Variants in TNIP3 observed in about 807,000 individuals in gnomAD.
TNIP3 encodes the protein TNFAIP3-interacting protein 3.
A neutral mutation model predicts 54.1 loss-of-function variants in TNIP3; 34 were observed. The ratio of observed to expected loss-of-function variants is 0.63; its 90% CI spans 0.48 to 0.84. The LOEUF is 0.84. Ranked by LOEUF, TNIP3 falls within the 40% of genes least tolerant of loss-of-function variation. The probability of loss-of-function intolerance (pLI) is 0.00; values close to 1 mark genes in which losing one functional copy is unlikely to be tolerated. For missense variants in TNIP3, 366 were observed against 387.6 expected, an observed-to-expected ratio of 0.94 and a Z score of 0.47; for synonymous variants, 134 against 136.8, an observed-to-expected ratio of 0.98 and a Z score of 0.14.
rs1729661568 is a variant in TNIP3, at chr4:121,150,178, C to T, written c.534G>A (p.Glu178=). 1 of 1,613,598 alleles carries T rather than the reference C, an allele frequency of 6.2e-7. No individual in the cohort carries two copies. Among genetic ancestry groups the T allele is most frequent in the African/African-American group, 1.3e-5 (1 of 74,858 alleles). The change falls in exon 6 of 11, where the codon GAG becomes GAA. Residue 178 remains glutamate (E), a synonymous_variant. Transcript: ENST00000057513. ...DALNIKCSFS[E]DCLRKSRVEF... ...CCACTCGAGACTTCCTCAAACAGTC[C>T]TCGGAAAATGAACACTTGATATTCA...
chr4:121,170,200 C>A (rs1417134096), intron 3 of TNIP3, among the ~76,000 whole-genome samples: 2 of 152,210 alleles, frequency 1.3e-5, no homozygotes, highest in African/African-American at 4.8e-5. Context: ...CCTTTCTCCT[C>A]TGAGATGCTA....
chr4:121,216,572 A>G, intron 1 of TNIP3: 1 of 1,519,826 alleles, frequency 6.6e-7, no homozygotes, highest in Non-Finnish European at 8.8e-7. Flanking sequence ...TCAGTCACCA[A>G]AGGAGAAAAC....
chr4:121,170,666 C>G (rs1731017370), intron 3 of TNIP3, among the ~76,000 whole-genome samples: 1 of 151,796 alleles, frequency 6.6e-6, no homozygotes, highest in Admixed American at 6.5e-5. Context: ...TTTTTAAAGG[C>G]AGAACTGTTG....
chr4:121,207,339 A>T (rs1410119927), intron 2 of TNIP3, among the ~76,000 whole-genome samples: 4 of 152,232 alleles, frequency 2.6e-5, no homozygotes, highest in African/African-American at 9.6e-5. Flanking sequence ...AATTAAAAAG[A>T]GCAACTAACA....
At chr4:121,151,224 C>A (rs534044761) in intron 5 of TNIP3, among the ~76,000 whole-genome samples, 1 of 152,138 alleles carries the variant, frequency 6.6e-6, no homozygotes, top group Non-Finnish European at 1.5e-5. Context: ...AGAAAAGGTT[C>A]ATTTTCAGAG....
intron 2 of TNIP3, among the ~76,000 whole-genome samples, chr4:121,207,162 A>G (rs1380318725): frequency 6.6e-6 from 1 of 152,166 alleles, no homozygotes; most frequent in East Asian, 1.9e-4. Context: ...GCTGTTGTTA[A>G]TGACTGGAAA....
chr4:121,221,251 T>C (rs944130360), upstream of TNIP3, among the ~76,000 whole-genome samples: 6 of 152,162 alleles, frequency 3.9e-5, no homozygotes, highest in Non-Finnish European at 8.8e-5. Context: ...TCAGTCTAAA[T>C]CACTCTTAAT....
upstream of TNIP3, among the ~76,000 whole-genome samples, chr4:121,168,275 C>T (rs1020562277): frequency 2.0e-5 from 3 of 148,706 alleles, no homozygotes; most frequent in Admixed American, 6.7e-5. Flanking sequence ...GGCACAATCT[C>T]GCCTCACTGC....
At chr4:121,223,188 T>C (rs954448083) in intron 1 of TNIP3, among the ~76,000 whole-genome samples, 1 of 152,220 alleles carries the variant, frequency 6.6e-6, no homozygotes, top group African/African-American at 2.4e-5. Context: ...GTGCCAGCCT[T>C]GGCCCATCCT....
chr4:121,138,551 T>C (rs1728922985), intron 10 of TNIP3, 73 bp downstream of exon 10: 3 of 1,394,714 alleles, frequency 2.2e-6, no homozygotes, highest in South Asian at 1.2e-5. Flanking sequence ...TGAATGTATG[T>C]TGAGTAAACA....
intron 2 of TNIP3, among the ~76,000 whole-genome samples, chr4:121,191,603 T>C (rs1424308000): frequency 6.6e-6 from 1 of 152,200 alleles, no homozygotes; most frequent in Non-Finnish European, 1.5e-5. Context: ...TCAAAATGTT[T>C]CTCTCAAATC....
chr4:121,165,829 C>T (rs1730735733), upstream of TNIP3, among the ~76,000 whole-genome samples: 2 of 152,268 alleles, frequency 1.3e-5, no homozygotes, highest in South Asian at 4.1e-4. Context: ...AAAGTTATAA[C>T]TCACATAAGA....
chr4:121,196,148 G>A (rs779528962), intron 2 of TNIP3, among the ~76,000 whole-genome samples: 13 of 152,112 alleles, frequency 8.5e-5, no homozygotes, highest in Non-Finnish European at 1.3e-4. Flanking sequence ...ATTTGCTCAC[G>A]GTGAGCTCTT....
At chr4:121,184,111 G>T (rs1192441277) in intron 2 of TNIP3, among the ~76,000 whole-genome samples, 1 of 151,130 alleles carries the variant, frequency 6.6e-6, no homozygotes, top group African/African-American at 2.5e-5. Flanking sequence ...AAGGAAAAAT[G>T]CATTAATTGT....
At chr4:121,220,073 GA>G (rs1726967356), upstream of TNIP3, among the ~76,000 whole-genome samples, 1 of 152,068 alleles carries the variant, frequency 6.6e-6, no homozygotes, top group South Asian at 2.1e-4. Flanking sequence ...GTAATAGGCT[GA>G]AAACCATACA....
chr4:121,183,417 T>G (rs2148827794), intron 2 of TNIP3, among the ~76,000 whole-genome samples: 1 of 152,370 alleles, frequency 6.6e-6, no homozygotes, highest in Middle Eastern at 3.4e-3. Flanking sequence ...CAGAGGGAGT[T>G]GCTCATAGTC....
At chr4:121,157,312 C>A in intron 3 of TNIP3, 69 bp from the exon 4 acceptor site, 1 of 1,606,396 alleles carries the variant, frequency 6.2e-7, no homozygotes, top group South Asian at 1.1e-5. Flanking sequence ...GATTTATTCC[C>A]AGGCTATGAA....
At chr4:121,202,980 A>G (rs1725974342) in intron 2 of TNIP3, among the ~76,000 whole-genome samples, 1 of 152,154 alleles carries the variant, frequency 6.6e-6, no homozygotes, top group African/African-American at 2.4e-5. Flanking sequence ...TGCTGTTGGG[A>G]ATGAAAACTA....
At chr4:121,187,742 A>G (rs1247883346) in intron 2 of TNIP3, among the ~76,000 whole-genome samples, 1 of 152,196 alleles carries the variant, frequency 6.6e-6, no homozygotes, top group Non-Finnish European at 1.5e-5. Context: ...ATTTTTGACC[A>G]AAGTCCATGG....
Sources: gnomAD v4.1 joint callset for allele counts (sites outside exome capture counted in the v4.1 genomes callset) on GRCh38, gnomAD v4.1.1 for gene constraint, MANE v1.5 for transcripts, NCBI Gene and HGNC (gene_info 2026-07-23, HGNC 2026-07-21) for gene names.